The following LRRC4C variants were observed in gnomAD, a reference collection of about 807,000 sequenced individuals.
The protein encoded by LRRC4C is leucine rich repeat containing 4C, also known as leucine-rich repeat-containing protein 4C.
LRRC4C carries 5 observed loss-of-function variants against 33.6 expected under a neutral mutation model. That is an observed-to-expected ratio of 0.15 (90% CI 0.08 to 0.31). The LOEUF (loss-of-function observed/expected upper bound fraction) is 0.31, where lower values mean the gene tolerates loss of function less well. LRRC4C is among the 10% of genes least tolerant of loss of function. LRRC4C has a pLI of 1.00. For synonymous variants in LRRC4C, 329 were observed against 302.0 expected (o/e 1.09, Z -0.93); for missense variants, 560 against 796.7 (o/e 0.70, Z 3.58).
chr11:40,611,485 G>A (rs1961210410), intron 3 of LRRC4C, among the ~76,000 whole-genome samples: 1 of 151,792 alleles, frequency 6.6e-6, no homozygotes, highest in Non-Finnish European at 1.5e-5. Context: ...AACACCAAAA[G>A]CAAAGACATC....
At position 40,778,626 on chromosome 11, in the gene LRRC4C, G is replaced by C. The variant is rs72898763; in HGVS notation, c.-406-130348C>G. Among the ~76,000 whole-genome samples the C allele has an allele frequency of 7.8e-3, 1,185 of 152,304 alleles. 9 individuals carry two copies. Among genetic ancestry groups the C allele is most frequent in the Non-Finnish European group, 0.011 (736 of 68,024 alleles). ...TTGAGTTAGTGAGATAGGGAAGCCG[G>C]TAGAGGAGGAAGGAAAAAGGGGCTG... On this transcript the variant is annotated intron_variant, in intron 2 of 6. Coordinates refer to ENST00000528697, the MANE Select transcript of LRRC4C (RefSeq NM_001258419.2).
intron 2 of LRRC4C, among the ~76,000 whole-genome samples, chr11:40,907,071 A>G (rs985612363): frequency 5.3e-5 from 8 of 152,332 alleles, no homozygotes; most frequent in Non-Finnish European, 1.0e-4. Context: ...TCCAGCAAAT[A>G]TAGAGATATG....
At chr11:41,030,918 T>G (rs1197505194) in intron 1 of LRRC4C, among the ~76,000 whole-genome samples, 17 of 151,816 alleles carry the variant, frequency 1.1e-4, no homozygotes, top group Non-Finnish European at 2.1e-4. Flanking sequence ...CACTTAAAAA[T>G]GCATTTGCCC....
chr11:40,521,427 A>G (rs972199530), intron 3 of LRRC4C, among the ~76,000 whole-genome samples: 10 of 152,180 alleles, frequency 6.6e-5, no homozygotes, highest in Non-Finnish European at 1.3e-4. Flanking sequence ...GATAGTTGCT[A>G]TTTATGCTCA....
chr11:40,178,807 T>C (rs1456882736), intron 5 of LRRC4C, among the ~76,000 whole-genome samples: 2 of 152,154 alleles, frequency 1.3e-5, no homozygotes, highest in African/African-American at 2.4e-5. Context: ...AGAAATATCA[T>C]TGCTCTTAAA....
chr11:40,511,858 A>G (rs1444808848), intron 3 of LRRC4C, among the ~76,000 whole-genome samples: 1 of 152,206 alleles, frequency 6.6e-6, no homozygotes, highest in African/African-American at 2.4e-5. Flanking sequence ...TTTGGCATTA[A>G]CATAGTAAAA....
chr11:40,796,968 C>CCACT (rs1337460143), intron 2 of LRRC4C, among the ~76,000 whole-genome samples: 1 of 152,014 alleles, frequency 6.6e-6, no homozygotes, highest in Non-Finnish European at 1.5e-5. Context: ...TTTTGATAGA[C>CCACT]CACTATTACT....
intron 2 of LRRC4C, among the ~76,000 whole-genome samples, chr11:40,910,801 G>A (rs573472480): frequency 6.6e-6 from 1 of 152,168 alleles, no homozygotes; most frequent in Non-Finnish European, 1.5e-5. Context: ...TCCTAGCCAA[G>A]GAAAGGGGTG....
At chr11:41,280,610 A>G (rs1202485261) in intron 1 of LRRC4C, among the ~76,000 whole-genome samples, 1 of 152,190 alleles carries the variant, frequency 6.6e-6, no homozygotes, top group African/African-American at 2.4e-5. Context: ...ACATTATGCT[A>G]TACGATGCAG....
intron 5 of LRRC4C, among the ~76,000 whole-genome samples, chr11:40,212,911 G>A (rs954978563): frequency 8.5e-5 from 13 of 152,162 alleles, no homozygotes; most frequent in African/African-American, 2.9e-4. Context: ...AAGTGTTAGT[G>A]AAATGGCTGA....
chr11:40,328,447 G>C (rs555829767), intron 3 of LRRC4C, among the ~76,000 whole-genome samples: 5 of 152,246 alleles, frequency 3.3e-5, no homozygotes, highest in African/African-American at 1.2e-4. Context: ...TCCACACATT[G>C]TGTGTTTTTT....
intron 1 of LRRC4C, among the ~76,000 whole-genome samples, chr11:41,162,265 TCTTGC>T (rs1944506411): frequency 6.6e-6 from 1 of 152,150 alleles, no homozygotes. Context: ...ATGTCACCCA[TCTTGC>T]CTTTATCACC....
chr11:40,408,440 A>G (rs1950038786), intron 3 of LRRC4C, among the ~76,000 whole-genome samples: 1 of 151,902 alleles, frequency 6.6e-6, no homozygotes, highest in Non-Finnish European at 1.5e-5. Context: ...CTTTTTTTTA[A>G]CCAAGTTGTA....
intron 3 of LRRC4C, among the ~76,000 whole-genome samples, chr11:40,582,092 A>G (rs1958494035): frequency 6.6e-6 from 1 of 152,136 alleles, no homozygotes; most frequent in South Asian, 2.1e-4. Flanking sequence ...AACAGAAAAT[A>G]TTTATGTGTA....
chr11:40,208,998 T>C (rs1259939459), intron 5 of LRRC4C, among the ~76,000 whole-genome samples: 2 of 149,388 alleles, frequency 1.3e-5, no homozygotes, highest in South Asian at 2.1e-4. Context: ...TGAGGGTCAG[T>C]TGTTAAACAT....
At chr11:40,749,516 C>A (rs1261736684) in intron 2 of LRRC4C, among the ~76,000 whole-genome samples, 2 of 142,964 alleles carry the variant, frequency 1.4e-5, no homozygotes, top group African/African-American at 2.6e-5. Context: ...ATGTCTACAT[C>A]AAAAAATTAT....
chr11:41,120,425 A>AC (rs1942362353), intron 1 of LRRC4C, among the ~76,000 whole-genome samples: 1 of 152,130 alleles, frequency 6.6e-6, no homozygotes, highest in African/African-American at 2.4e-5. Context: ...ATGGCAGATC[A>AC]TTATATATGG....
intron 2 of LRRC4C, among the ~76,000 whole-genome samples, chr11:40,852,131 T>G (rs959604350): frequency 2.1e-5 from 2 of 93,282 alleles, no homozygotes; most frequent in African/African-American, 1.2e-4. Flanking sequence ...ACTACTAGAT[T>G]TTTTTTTTTT....
intron 1 of LRRC4C, among the ~76,000 whole-genome samples, chr11:41,291,937 G>T (rs749009119): frequency 2.0e-5 from 3 of 152,132 alleles, no homozygotes; most frequent in Non-Finnish European, 2.9e-5. Context: ...GCATAGGAGG[G>T]TATGGAGCAA....
Sources: gnomAD v4.1 joint callset for allele counts (sites outside exome capture counted in the v4.1 genomes callset) on GRCh38, gnomAD v4.1.1 for gene constraint, MANE v1.5 for transcripts, NCBI Gene and HGNC (gene_info 2026-07-23, HGNC 2026-07-21) for gene names.